IARS1: variants seen among roughly 807,000 people sequenced by gnomAD.
IARS1 encodes the protein isoleucyl-tRNA synthetase 1.
A neutral mutation model predicts 168.2 loss-of-function variants in IARS1; 124 were observed. That is an observed-to-expected ratio of 0.74 (90% confidence interval 0.64 to 0.86). The LOEUF is 0.86. Among genes scored for constraint, IARS1 ranks in the 40% least tolerant of loss-of-function variants. The probability of loss-of-function intolerance (pLI) is 0.00; values close to 1 mark genes in which losing one functional copy is unlikely to be tolerated. For synonymous variants in IARS1, 532 were observed against 529.4 expected (o/e 1.00, Z -0.07); for missense variants, 1,452 against 1,515.8 (o/e 0.96, Z 0.70).
At chr9:92,277,696 C>T (rs1001379115) in intron 9 of IARS1, among the ~76,000 whole-genome samples, 167 bp downstream of exon 9, 14 of 151,308 alleles carry the variant, frequency 9.3e-5, no homozygotes, top group Non-Finnish European at 1.8e-4. Context: ...AAAAAATCCT[C>T]TAAGACAAGA....
intron 13 of IARS1, among the ~76,000 whole-genome samples, chr9:92,269,043 C>T (rs890809478): frequency 2.0e-5 from 3 of 152,048 alleles, no homozygotes; most frequent in African/African-American, 2.4e-5. Context: ...TATGCCTGCA[C>T]CCCCTCGAGG....
chr9:92,280,661 C>T (rs1009261558), intron 7 of IARS1, 85 bp downstream of exon 7: 3 of 786,918 alleles, frequency 3.8e-6, no homozygotes, highest in East Asian at 5.7e-5. Context: ...ATTCTTCATG[C>T]AAAAAGAAAG....
intron 9 of IARS1, among the ~76,000 whole-genome samples, chr9:92,276,467 G>A (rs1251388525): frequency 6.6e-6 from 1 of 152,154 alleles, no homozygotes; most frequent in Non-Finnish European, 1.5e-5. Flanking sequence ...ATGGGATGAG[G>A]GCAGAACATA....
chr9:92,244,021 T>C (rs572373398), intron 27 of IARS1, among the ~76,000 whole-genome samples: 19 of 152,258 alleles, frequency 1.2e-4, no homozygotes, highest in Admixed American at 5.2e-4. Flanking sequence ...AGTTAAGAAA[T>C]GACTCACTTC....
intron 29 of IARS1, 37 bp from the exon 30 acceptor site, chr9:92,240,998 C>A (rs1564166287): frequency 1.7e-6 from 2 of 1,207,608 alleles, no homozygotes; most frequent in East Asian, 4.6e-5. Context: ...GTAACTGTGG[C>A]ACCTGACTGC....
intron 9 of IARS1, among the ~76,000 whole-genome samples, chr9:92,276,906 T>A (rs1267285319): frequency 1.3e-5 from 2 of 152,216 alleles, no homozygotes; most frequent in African/African-American, 4.8e-5. Flanking sequence ...AACAACTTTA[T>A]GACTCTGAAG....
intron 2 of IARS1, 63 bp downstream of exon 2, chr9:92,289,238 T>C (rs141437829): frequency 1.5e-6 from 1 of 687,352 alleles, no homozygotes; most frequent in Non-Finnish European, 2.6e-6. Flanking sequence ...GTATCTGCTT[T>C]AATGGAATTC....
intron 19 of IARS1, among the ~76,000 whole-genome samples, chr9:92,257,144 G>A (rs1234300709): frequency 6.6e-6 from 1 of 152,224 alleles, no homozygotes; most frequent in African/African-American, 2.4e-5. Flanking sequence ...CAGTAGAACT[G>A]TCTAGGATTG....
intron 27 of IARS1, among the ~76,000 whole-genome samples, chr9:92,244,400 A>G (rs1053447217): frequency 6.6e-6 from 1 of 151,992 alleles, no homozygotes; most frequent in African/African-American, 2.4e-5. Flanking sequence ...GCACAGAGGG[A>G]CCCCTGCAAT....
At position 92,258,964 on chromosome 9, in the gene IARS1, C is replaced by A; in HGVS notation, c.1906G>T (p.Glu636Ter). 1 of 1,613,482 alleles carries A rather than the reference C, an allele frequency of 6.2e-7. No individual in the cohort carries two copies. Among genetic ancestry groups the A allele is most frequent in the South Asian group, 1.1e-5 (1 of 90,966 alleles). ...CCCTCTTCTTTAAAGCGGAGGTTTT[C>A]TGCTCTCACCACAGGGGAGTTAATC... is the stretch of plus-strand genomic sequence containing the variant. ...YLINSPVVRA[E>*]NLRFKEEGVR... The change falls in exon 19 of 34, where the codon GAA becomes TAA. Residue 636 changes from glutamate to a stop codon, truncating the protein, a stop_gained. Coordinates refer to ENST00000443024, the MANE Select transcript of IARS1 (RefSeq NM_002161.6). LOFTEE classifies it high-confidence loss of function.
At chr9:92,278,172 A>T in intron 8 of IARS1, 27 bp downstream of exon 8, 1 of 1,387,670 alleles carries the variant, frequency 7.2e-7, no homozygotes, top group Non-Finnish European at 1.0e-6. Flanking sequence ...ATGCACACAA[A>T]CACAGAGCAA....
chr9:92,228,064 G>A (rs1826044542), intron 31 of IARS1, among the ~76,000 whole-genome samples: 1 of 152,100 alleles, frequency 6.6e-6, no homozygotes, highest in African/African-American at 2.4e-5. Context: ...CTGAGTGAAC[G>A]AGACTCCGTC....
chr9:92,267,012 T>C (rs1832375830), intron 14 of IARS1, among the ~76,000 whole-genome samples: 2 of 152,242 alleles, frequency 1.3e-5, no homozygotes, highest in Admixed American at 1.3e-4. Context: ...TATGGTATCA[T>C]AATCTTGTGG....
At chr9:92,226,285 G>A (rs1825659037) in intron 31 of IARS1, among the ~76,000 whole-genome samples, 1 of 152,204 alleles carries the variant, frequency 6.6e-6, no homozygotes, top group African/African-American at 2.4e-5. Context: ...AGCAGTGAAT[G>A]AGAGTTCCCA....
intron 9 of IARS1, among the ~76,000 whole-genome samples, chr9:92,275,304 GAGCA>G (rs981380408): frequency 1.3e-5 from 2 of 152,206 alleles, no homozygotes; most frequent in Non-Finnish European, 2.9e-5. Flanking sequence ...TTTCACAGAT[GAGCA>G]AGCTCAGAAC....
Position 92,261,482 on chromosome 9 carries a change from G to GATGTTGAA in IARS1, c.1788-1256_1788-1249dup, listed in dbSNP as rs1465859781. ...AAGGCAATGCAGGAAGGGAGCCTTT[G>GATGTTGAA]ATGTTGAATTCATTCAGTAACCTGA... is the stretch of plus-strand genomic sequence containing the variant. On this transcript the variant is annotated intron_variant, in intron 17 of 33. Coordinates refer to ENST00000443024, the MANE Select transcript of IARS1 (RefSeq NM_002161.6). Among the ~76,000 whole-genome samples, 8 of 152,282 alleles carry GATGTTGAA rather than the reference G, an allele frequency of 5.3e-5. No homozygotes were observed. In the South Asian group the frequency reaches 1.7e-3, roughly 32 times the overall value.
intron 30 of IARS1, among the ~76,000 whole-genome samples, chr9:92,232,042 C>A (rs1422005329): frequency 6.6e-6 from 1 of 152,158 alleles, no homozygotes; most frequent in Non-Finnish European, 1.5e-5. Context: ...CATTACTTCA[C>A]GTTTTTCGAG....
chr9:92,250,857 A>G (rs1231637279), intron 22 of IARS1, 23 bp from the exon 23 acceptor site: 1 of 1,583,350 alleles, frequency 6.3e-7, no homozygotes, highest in Admixed American at 1.8e-5. Context: ...ACAGGACATC[A>G]TGTCAGTTAT....
chr9:92,260,862 T>A (rs1418420248), intron 17 of IARS1, among the ~76,000 whole-genome samples: 1 of 152,208 alleles, frequency 6.6e-6, no homozygotes, highest in Non-Finnish European at 1.5e-5. Flanking sequence ...TATTCACAAT[T>A]GCCAAATGTT....
Sources: allele counts gnomAD v4.1 joint callset (sites outside exome capture counted in the v4.1 genomes callset), GRCh38; gene constraint gnomAD v4.1.1; transcripts MANE v1.5; gene names NCBI Gene and HGNC (gene_info 2026-07-23, HGNC 2026-07-21).